CFAP61: variants seen among roughly 807,000 people sequenced by gnomAD.
CFAP61 encodes cilia- and flagella-associated protein 61.
CFAP61 carries 107 observed loss-of-function variants against 135.6 expected under a neutral mutation model. That is an observed-to-expected ratio of 0.79 (90% CI 0.67 to 0.93). CFAP61 has a LOEUF of 0.93. Ranked by LOEUF, CFAP61 falls within the 40% of genes least tolerant of loss-of-function variation. CFAP61 has a pLI of 0.00. For missense variants in CFAP61, 1,507 were observed against 1,556.2 expected, an observed-to-expected ratio of 0.97 and a Z score of 0.53; for synonymous variants, 575 against 578.5, an observed-to-expected ratio of 0.99 and a Z score of 0.09.
chr20:20,268,573 T>C (rs1195909482), intron 21 of CFAP61, among the ~76,000 whole-genome samples: 1 of 152,190 alleles, frequency 6.6e-6, no homozygotes, highest in Non-Finnish European at 1.5e-5. Flanking sequence ...TTTTCCGGGC[T>C]CTAGAGTTGG....
chr20:20,296,063 C>CCCTCCTTTTCTTCCTTCTCTCCTT (rs2055452675), intron 24 of CFAP61, among the ~76,000 whole-genome samples: 1 of 31,150 alleles, frequency 3.2e-5, no homozygotes, highest in African/African-American at 1.2e-4. Flanking sequence ...TCCCTTCCTT[C>CCCTCCTTTTCTTCCTTCTCTCCTT]CCTTCCTTCC....
intron 2 of CFAP61, among the ~76,000 whole-genome samples, chr20:20,057,746 T>A (rs1173586200): frequency 6.6e-6 from 1 of 152,184 alleles, no homozygotes; most frequent in Admixed American, 6.5e-5. Flanking sequence ...AGACAGAGGT[T>A]TGCTCTATTG....
At chr20:20,194,129 CATTA>C (rs1229702640) in intron 15 of CFAP61, among the ~76,000 whole-genome samples, 1 of 152,162 alleles carries the variant, frequency 6.6e-6, no homozygotes, top group Non-Finnish European at 1.5e-5. Flanking sequence ...TCTATGATTT[CATTA>C]ATTATTTCTT....
intron 13 of CFAP61, among the ~76,000 whole-genome samples, chr20:20,170,420 T>G (rs930701310): frequency 4.6e-5 from 7 of 152,126 alleles, no homozygotes; most frequent in African/African-American, 1.7e-4. Flanking sequence ...AAAAAATCAC[T>G]TAATACCTAA....
At chr20:20,073,520 A>G (rs2045865077) in intron 3 of CFAP61, among the ~76,000 whole-genome samples, 13 of 152,188 alleles carry the variant, frequency 8.5e-5, no homozygotes, top group Admixed American at 8.5e-4. Context: ...TATAGGTACC[A>G]GCACCACCCT....
At chr20:20,296,322 CCTTCCCTT>C (rs1466717813) in intron 24 of CFAP61, among the ~76,000 whole-genome samples, 2 of 75,538 alleles carry the variant, frequency 2.6e-5, no homozygotes, top group Admixed American at 1.3e-4. Flanking sequence ...TTCCCTCCTT[CCTTCCCTT>C]CCTTCCTTCC....
intron 25 of CFAP61, among the ~76,000 whole-genome samples, chr20:20,338,362 T>C (rs1413933506): frequency 2.6e-5 from 4 of 152,230 alleles, no homozygotes; most frequent in Non-Finnish European, 4.4e-5. Context: ...CAGCCCTCTC[T>C]GTAGGCGTGA....
rs1230690110 is a variant in CFAP61 at position 20,246,228 on chromosome 20, T to C, written c.2159+13T>C. 6.4e-7 allele frequency: 1 copy of C among 1,565,446 alleles called. No individual in the cohort carries two copies. Among genetic ancestry groups the C allele is most frequent in the South Asian group, 1.1e-5 (1 of 89,998 alleles). On this transcript the variant is annotated intron_variant, in intron 19 of 26. Coordinates refer to ENST00000245957, the MANE Select transcript of CFAP61 (RefSeq NM_015585.4). ...TTTTAGCCAGCGAGTATGAATTGTATTTGCTTTTTCATTCTGAGGCCTAAA... is the reference window on the plus strand; with the variant it reads ...TTTTAGCCAGCGAGTATGAATTGTACTTGCTTTTTCATTCTGAGGCCTAAA...
At chr20:20,087,245 T>C (rs559555107) in intron 6 of CFAP61, among the ~76,000 whole-genome samples, 54 of 152,314 alleles carry the variant, frequency 3.5e-4, no homozygotes, top group African/African-American at 1.2e-3. Context: ...ACCCAGGTAC[T>C]GAGCATAGTA....
At chr20:20,255,986 A>G (rs965285486) in intron 20 of CFAP61, among the ~76,000 whole-genome samples, 4 of 152,122 alleles carry the variant, frequency 2.6e-5, no homozygotes, top group African/African-American at 9.7e-5. Flanking sequence ...GCCACGTGAG[A>G]AGTTCTGATG....
At chr20:20,076,128 T>A (rs1568843678) in intron 6 of CFAP61, among the ~76,000 whole-genome samples, 3 of 152,190 alleles carry the variant, frequency 2.0e-5, no homozygotes, top group Non-Finnish European at 2.9e-5. Flanking sequence ...CGCAGGCTAC[T>A]CTTTGATGTG....
At chr20:20,224,642 T>C (rs747056646) in intron 17 of CFAP61, among the ~76,000 whole-genome samples, 28 of 152,136 alleles carry the variant, frequency 1.8e-4, no homozygotes, top group Non-Finnish European at 3.8e-4. Flanking sequence ...GTAGCTGAGA[T>C]CGCGCCATTG....
intron 26 of CFAP61, among the ~76,000 whole-genome samples, chr20:20,355,273 G>GA (rs1396848568): frequency 1.4e-4 from 20 of 145,230 alleles, no homozygotes; most frequent in African/African-American, 4.4e-4. Context: ...CACACTGTGA[G>GA]GGGTGGTCAC....
intron 6 of CFAP61, among the ~76,000 whole-genome samples, chr20:20,076,432 A>G (rs896081827): frequency 2.0e-5 from 3 of 152,128 alleles, no homozygotes; most frequent in African/African-American, 4.8e-5. Flanking sequence ...CATTGTGGAC[A>G]CCCAGCCCAG....
At chr20:20,297,281 T>C (rs534612080) in intron 24 of CFAP61, among the ~76,000 whole-genome samples, 1 of 152,320 alleles carries the variant, frequency 6.6e-6, no homozygotes, top group Admixed American at 6.5e-5. Flanking sequence ...GCAGTTCAAA[T>C]TGCCTTGGAT....
intron 26 of CFAP61, among the ~76,000 whole-genome samples, chr20:20,357,091 A>AGT (rs1555991615): frequency 2.8e-4 from 30 of 108,112 alleles, no homozygotes; most frequent in South Asian, 7.2e-4. Flanking sequence ...AGGTGGTCAC[A>AGT]CTGAGGGGAG....
At chr20:20,262,874 C>A in intron 20 of CFAP61, 82 bp from the exon 21 acceptor site, 3 of 708,362 alleles carry the variant, frequency 4.2e-6, no homozygotes, top group South Asian at 5.5e-5. Flanking sequence ...CTGAATATTG[C>A]TATGTCTACT....
chr20:20,332,486 G>A (rs1189087486), intron 25 of CFAP61, among the ~76,000 whole-genome samples: 1 of 152,142 alleles, frequency 6.6e-6, no homozygotes, highest in Non-Finnish European at 1.5e-5. Context: ...GGCTCACCCA[G>A]TGTAGTAAGC....
At chr20:20,299,836 G>A (rs73285369) in intron 25 of CFAP61, among the ~76,000 whole-genome samples, 315 of 152,196 alleles carry the variant, frequency 2.1e-3, no homozygotes, top group African/African-American at 6.9e-3. Flanking sequence ...CATTACAATC[G>A]GACGTTGTGA....
Sources: allele counts gnomAD v4.1 joint callset (sites outside exome capture counted in the v4.1 genomes callset), GRCh38; gene constraint gnomAD v4.1.1; transcripts MANE v1.5; gene names NCBI Gene and HGNC (gene_info 2026-07-23, HGNC 2026-07-21).